PLA2G4E: variants seen among roughly 807,000 people sequenced by gnomAD.
PLA2G4E encodes phospholipase A2 group IVE, also known as cytosolic phospholipase A2 epsilon.
PLA2G4E carries 84 observed loss-of-function variants against 109.1 expected under a neutral mutation model. That is an observed-to-expected ratio of 0.77 (90% confidence interval 0.65 to 0.92). PLA2G4E has a LOEUF of 0.92. Ranked by LOEUF, PLA2G4E falls within the 40% of genes least tolerant of loss-of-function variation. PLA2G4E has a pLI of 0.00. For synonymous variants in PLA2G4E, 469 were observed against 436.1 expected (o/e 1.08, Z -0.94); for missense variants, 1,057 against 1,076.6 (o/e 0.98, Z 0.25).
intron 1 of PLA2G4E, among the ~76,000 whole-genome samples, chr15:42,025,294 A>G (rs2068684151): frequency 6.6e-6 from 1 of 152,212 alleles, no homozygotes; most frequent in Admixed American, 6.5e-5. Context: ...CTTAAGGGAA[A>G]ACAAACCTGA....
chr15:42,039,974 T>C (rs1303968500), intron 1 of PLA2G4E, among the ~76,000 whole-genome samples: 1 of 152,156 alleles, frequency 6.6e-6, no homozygotes, highest in Non-Finnish European at 1.5e-5. Context: ...TGAAAAAATG[T>C]TCAGTGAATT....
intron 10 of PLA2G4E, 45 bp downstream of exon 10, chr15:41,999,479 T>C: frequency 1.1e-5 from 15 of 1,422,230 alleles, no homozygotes; most frequent in Non-Finnish European, 1.5e-5. Context: ...GCACACCCAC[T>C]GCTATGAATA....
At chr15:42,038,772 G>A (rs1318048048) in intron 1 of PLA2G4E, among the ~76,000 whole-genome samples, 2 of 152,172 alleles carry the variant, frequency 1.3e-5, no homozygotes, top group Non-Finnish European at 2.9e-5. Flanking sequence ...TACATGTCAT[G>A]TTTCTTTAGT....
chr15:41,997,314 G>A, intron 10 of PLA2G4E, 55 bp from the exon 11 acceptor site: 1 of 1,475,924 alleles, frequency 6.8e-7, no homozygotes, highest in Non-Finnish European at 9.0e-7. Context: ...CCCTGGAGTA[G>A]ACACAGCTTC....
chr15:41,986,106 G>A (rs1053766302), intron 17 of PLA2G4E, 101 bp from the exon 18 acceptor site: 29 of 1,278,016 alleles, frequency 2.3e-5, no homozygotes, highest in Admixed American at 1.3e-4. Flanking sequence ...AGCATCCTTC[G>A]CCTCAGCCTG....
At chr15:42,040,332 T>A (rs1284915084) in intron 1 of PLA2G4E, among the ~76,000 whole-genome samples, 1 of 152,198 alleles carries the variant, frequency 6.6e-6, no homozygotes, top group Admixed American at 6.5e-5. Context: ...GAAGGACAGG[T>A]TATTTGATAA....
At chr15:41,983,623 A>G in exon 20 of PLA2G4E, 1 of 797,236 alleles carries the variant, frequency 1.3e-6, no homozygotes, top group East Asian at 2.7e-5. Context: ...TTTCGTTAGA[A>G]AGCCCAGGCC....
intron 2 of PLA2G4E, among the ~76,000 whole-genome samples, chr15:42,011,476 A>G (rs2068535144): frequency 6.6e-6 from 1 of 152,236 alleles, no homozygotes; most frequent in Non-Finnish European, 1.5e-5. Context: ...TAATCCCAGC[A>G]TTTTGGGAGA....
intron 1 of PLA2G4E, among the ~76,000 whole-genome samples, chr15:42,042,076 G>A (rs575049640): frequency 1.6e-3 from 250 of 152,028 alleles, no homozygotes; most frequent in African/African-American, 5.6e-3. Context: ...TAGGCTTTTG[G>A]GTGTTCATAG....
intron 1 of PLA2G4E, among the ~76,000 whole-genome samples, chr15:42,016,188 GAA>G (rs1398383817): frequency 3.1e-5 from 4 of 128,452 alleles, no homozygotes; most frequent in African/African-American, 1.2e-4. Flanking sequence ...AAGATACGAA[GAA>G]AAAAAAAGTT....
Position 41,990,305 on chromosome 15 carries a change from A to G in PLA2G4E, c.1471-70T>C. The G allele has an allele frequency of 2.3e-5, 32 of 1,389,638 alleles. No homozygotes were observed. In the South Asian group the frequency reaches 3.5e-4, roughly 15 times the overall value. The allele number at this position is 1,389,638 out of a possible 1,614,324, so 86.1% of individuals were successfully genotyped here. On this transcript the variant is annotated intron_variant, in intron 13 of 19. Transcript: ENST00000399518. ...GTGAGGGAGGCAGTGCAGAATGAGA[A>G]GACAATCTGGACCCCCGCAGCCACT...
chr15:41,983,809 G>T, exon 20 of PLA2G4E: 1 of 1,610,020 alleles, frequency 6.2e-7, no homozygotes, highest in South Asian at 1.1e-5. Context: ...GAGCCGCAGA[G>T]CCTGGAGGAG....
At chr15:41,987,574 G>A (rs190498336) in intron 16 of PLA2G4E, among the ~76,000 whole-genome samples, 199 bp from the exon 17 acceptor site, 14 of 152,286 alleles carry the variant, frequency 9.2e-5, no homozygotes, top group Admixed American at 9.1e-4. Context: ...CAGAGAGGTA[G>A]TAGAGAGGGA....
At chr15:42,015,346 T>C (rs888731622) in intron 1 of PLA2G4E, among the ~76,000 whole-genome samples, 2 of 152,140 alleles carry the variant, frequency 1.3e-5, no homozygotes, top group Non-Finnish European at 2.9e-5. Context: ...ACCGCAGCGC[T>C]CTCCCAGTGC....
At position 42,040,623 on chromosome 15, in the gene PLA2G4E, G is replaced by A. The variant is rs188127772; in HGVS notation, c.183+9898C>T. Among the ~76,000 whole-genome samples the A allele has an allele frequency of 6.6e-5, 10 of 152,350 alleles. No homozygotes were observed. The East Asian group carries it at 1.7e-3, about 26-fold the overall frequency. The stretch of plus-strand genomic sequence containing the variant: ...TAAAAATGTTTACTAAACTTATGAT[G>A]AAGGGTTAATTTTCCCAATAAACTA... On this transcript the variant is annotated intron_variant, in intron 1 of 19. Coordinates refer to ENST00000399518, the Ensembl canonical transcript of PLA2G4E.
intron 1 of PLA2G4E, among the ~76,000 whole-genome samples, chr15:42,043,712 T>G (rs914594221): frequency 1.3e-5 from 2 of 152,012 alleles, no homozygotes; most frequent in African/African-American, 4.8e-5. Flanking sequence ...CGAGTGCGTA[T>G]CTTGGCTCTG....
At chr15:42,044,895 C>T (rs1001846492) in intron 1 of PLA2G4E, among the ~76,000 whole-genome samples, 31 of 152,000 alleles carry the variant, frequency 2.0e-4, no homozygotes, top group African/African-American at 7.0e-4. Flanking sequence ...AGATGGGAAG[C>T]AAATGGTCAC....
intron 1 of PLA2G4E, among the ~76,000 whole-genome samples, chr15:42,045,220 T>C (rs1165730021): frequency 6.6e-6 from 1 of 151,774 alleles, no homozygotes; most frequent in Non-Finnish European, 1.5e-5. Flanking sequence ...CCCTCTACGA[T>C]GGGAGGTAGC....
chr15:42,015,310 G>C (rs569709614), intron 1 of PLA2G4E, among the ~76,000 whole-genome samples: 64 of 152,236 alleles, frequency 4.2e-4, no homozygotes, highest in African/African-American at 1.5e-3. Context: ...GAGTGTCGCC[G>C]GATCATCCTT....
Sources: gnomAD v4.1 joint callset for allele counts (sites outside exome capture counted in the v4.1 genomes callset) on GRCh38, gnomAD v4.1.1 for gene constraint, MANE v1.5 for transcripts, NCBI Gene and HGNC (gene_info 2026-07-23, HGNC 2026-07-21) for gene names.